ADCY2: variants seen among roughly 807,000 people sequenced by gnomAD.
The protein encoded by ADCY2 is adenylate cyclase 2.
ADCY2 carries 31 observed loss-of-function variants against 125.2 expected under a neutral mutation model. The observed-to-expected ratio is 0.25, with a 90% CI of 0.19 to 0.33. ADCY2 has a LOEUF of 0.33. Ranked by LOEUF, ADCY2 falls within the 10% of genes least tolerant of loss-of-function variation. ADCY2 has a pLI of 1.00. For missense variants in ADCY2, 904 were observed against 1,418.2 expected, an observed-to-expected ratio of 0.64 and a Z score of 5.82; for synonymous variants, 512 against 548.4, an observed-to-expected ratio of 0.93 and a Z score of 0.93.
At chr5:7,671,521 A>G (rs1460116230) in intron 4 of ADCY2, among the ~76,000 whole-genome samples, 1 of 152,232 alleles carries the variant, frequency 6.6e-6, no homozygotes, top group Non-Finnish European at 1.5e-5. Context: ...CTCTCCATCA[A>G]AGAGCTGCCT....
intron 16 of ADCY2, among the ~76,000 whole-genome samples, chr5:7,758,029 G>A (rs1275343883): frequency 6.6e-6 from 1 of 152,176 alleles, no homozygotes; most frequent in African/African-American, 2.4e-5. Flanking sequence ...CTCAAACTAA[G>A]GAGAGTGCGG....
At chr5:7,784,603 G>A (rs1309596711) in intron 19 of ADCY2, among the ~76,000 whole-genome samples, 154 bp downstream of exon 19, 1 of 152,188 alleles carries the variant, frequency 6.6e-6, no homozygotes, top group East Asian at 1.9e-4. Flanking sequence ...AGTACAGGGT[G>A]TGGATGCTTC....
chr5:7,631,964 C>G (rs7706191), intron 4 of ADCY2, among the ~76,000 whole-genome samples: 1 of 152,034 alleles, frequency 6.6e-6, no homozygotes, highest in Non-Finnish European at 1.5e-5. Context: ...AATTGTTTTA[C>G]CCAATTGTCT....
At chr5:7,742,399 A>T (rs1579380119) in intron 14 of ADCY2, among the ~76,000 whole-genome samples, 2 of 152,290 alleles carry the variant, frequency 1.3e-5, no homozygotes, top group South Asian at 2.1e-4. Flanking sequence ...CCTCCCGCAG[A>T]GTCTTATCAT....
At chr5:7,518,729 T>C (rs1157285075) in intron 2 of ADCY2, among the ~76,000 whole-genome samples, 1 of 152,124 alleles carries the variant, frequency 6.6e-6, no homozygotes, top group African/African-American at 2.4e-5. Flanking sequence ...GGGTTTCTCC[T>C]GGCTGTTGTC....
chr5:7,705,149 C>A (rs1423583611), intron 7 of ADCY2, among the ~76,000 whole-genome samples: 2 of 152,206 alleles, frequency 1.3e-5, no homozygotes, highest in African/African-American at 4.8e-5. Flanking sequence ...ATTATGGGTT[C>A]TCTAATGAAT....
intron 4 of ADCY2, among the ~76,000 whole-genome samples, chr5:7,639,294 C>G (rs538356023): frequency 1.3e-5 from 2 of 152,324 alleles, no homozygotes; most frequent in South Asian, 4.1e-4. Flanking sequence ...CTTGCTCTTT[C>G]TCTCTTGCTC....
chr5:7,576,249 G>A (rs1355671456), intron 3 of ADCY2, among the ~76,000 whole-genome samples: 1 of 152,192 alleles, frequency 6.6e-6, no homozygotes, highest in Non-Finnish European at 1.5e-5. Context: ...AGATGGTTCT[G>A]TGCTAAATCT....
intron 1 of ADCY2, among the ~76,000 whole-genome samples, chr5:7,406,982 G>A (rs1239530900): frequency 1.3e-5 from 2 of 152,120 alleles, no homozygotes; most frequent in African/African-American, 2.4e-5. Flanking sequence ...GTGCCATTTT[G>A]TTCAGTTGAA....
chr5:7,553,390 G>C (rs1259808539), intron 3 of ADCY2, among the ~76,000 whole-genome samples: 1 of 152,172 alleles, frequency 6.6e-6, no homozygotes, highest in Non-Finnish European at 1.5e-5. Context: ...GCCCTTCCGG[G>C]CTCTCTACTT....
intron 18 of ADCY2, among the ~76,000 whole-genome samples, chr5:7,775,595 T>G (rs970810595): frequency 6.6e-6 from 1 of 152,178 alleles, no homozygotes; most frequent in African/African-American, 2.4e-5. Context: ...TTCACCATGT[T>G]GGCCAGGCTA....
At chr5:7,658,953 A>C (rs1739436228) in intron 4 of ADCY2, among the ~76,000 whole-genome samples, 1 of 152,198 alleles carries the variant, frequency 6.6e-6, no homozygotes, top group Non-Finnish European at 1.5e-5. Context: ...TCATCCAAAA[A>C]CAACTCTCAC....
intron 2 of ADCY2, among the ~76,000 whole-genome samples, chr5:7,491,728 C>G (rs1464778481): frequency 2.0e-5 from 3 of 152,090 alleles, no homozygotes; most frequent in Non-Finnish European, 2.9e-5. Context: ...GGGTTGTTGA[C>G]ATCATATTAT....
chr5:7,603,297 G>A (rs1238131027), intron 3 of ADCY2, among the ~76,000 whole-genome samples: 1 of 152,154 alleles, frequency 6.6e-6, no homozygotes, highest in Non-Finnish European at 1.5e-5. Flanking sequence ...GAAAGGTCTT[G>A]AAGAGCTGAT....
intron 18 of ADCY2, among the ~76,000 whole-genome samples, chr5:7,778,712 G>T (rs1172847743): frequency 6.6e-6 from 1 of 152,120 alleles, no homozygotes; most frequent in Non-Finnish European, 1.5e-5. Flanking sequence ...CATGTCTCAT[G>T]GAAATCCCAA....
chr5:7,762,459 G>A lies in ADCY2; in HGVS notation c.2095-4228G>A, dbSNP rs542073659. On this transcript the variant is annotated intron_variant, in intron 16 of 24. Coordinates refer to ENST00000338316, the MANE Select transcript of ADCY2 (RefSeq NM_020546.3). ...GCAGTGCCCGGGGCCACACACAGGT[G>A]GTGCTGATGCAGCACTCAGACTGCC... is the stretch of plus-strand genomic sequence containing the variant. Among the ~76,000 whole-genome samples the A allele has an allele frequency of 1.9e-3, 292 of 152,362 alleles. 1 individual carries two copies. The highest frequency in any genetic ancestry group is 3.2e-3 in the Non-Finnish European group (219 of 68,040).
chr5:7,405,066 T>G (rs1739423655), intron 1 of ADCY2, among the ~76,000 whole-genome samples: 1 of 152,300 alleles, frequency 6.6e-6, no homozygotes, highest in Non-Finnish European at 1.5e-5. Flanking sequence ...ACTGTATTGA[T>G]TGAGGCACCG....
chr5:7,476,342 C>T (rs750657884), intron 2 of ADCY2, among the ~76,000 whole-genome samples: 6 of 152,088 alleles, frequency 3.9e-5, no homozygotes, highest in Non-Finnish European at 5.9e-5. Flanking sequence ...GGATCCCCCA[C>T]GCCTGGACAT....
chr5:7,707,055 C>T (rs936617861), intron 8 of ADCY2, among the ~76,000 whole-genome samples, 153 bp downstream of exon 8: 1 of 152,150 alleles, frequency 6.6e-6, no homozygotes, highest in Non-Finnish European at 1.5e-5. Flanking sequence ...TTATGTTAAG[C>T]AGATAAAGAC....
Sources: gnomAD v4.1 joint callset for allele counts (sites outside exome capture counted in the v4.1 genomes callset) on GRCh38, gnomAD v4.1.1 for gene constraint, MANE v1.5 for transcripts, NCBI Gene and HGNC (gene_info 2026-07-23, HGNC 2026-07-21) for gene names.